Variants in PPP1R17 observed in about 807,000 individuals in gnomAD.
PPP1R17 encodes protein phosphatase 1 regulatory subunit 17.
PPP1R17 carries 12 observed loss-of-function variants against 15.9 expected under a neutral mutation model. The observed-to-expected ratio is 0.75, with a 90% CI of 0.48 to 1.22. The LOEUF (loss-of-function observed/expected upper bound fraction) is 1.22, where lower values mean the gene tolerates loss of function less well. Ranked by LOEUF, PPP1R17 falls within the 50% of genes most tolerant of loss-of-function variation. The pLI is 0.00. For missense variants in PPP1R17, 211 were observed against 187.3 expected (o/e 1.13, Z -0.74); for synonymous variants, 63 against 64.5 (o/e 0.98, Z 0.11).
intron 2 of PPP1R17, among the ~76,000 whole-genome samples, chr7:31,695,135 A>G (rs1319555990): frequency 7.7e-6 from 1 of 129,288 alleles, no homozygotes. Flanking sequence ...CGCGTTTAGC[A>G]GAGAGAACCT....
At chr7:31,694,914 A>G (rs1005230388) in intron 2 of PPP1R17, among the ~76,000 whole-genome samples, 14 of 152,306 alleles carry the variant, frequency 9.2e-5, no homozygotes, top group Non-Finnish European at 1.8e-4. Flanking sequence ...GGATGGGCAA[A>G]TAGGAGGGTT....
Position 31,708,032 on chromosome 7 carries a change from T to G in PPP1R17, c.*749T>G, listed in dbSNP as rs1009681352. ...TGTGTCACAAGTGAGTCATTATCAATGGTAGATAAAATATCAATGTTTGTG... is the reference window on the plus strand; with the variant it reads ...TGTGTCACAAGTGAGTCATTATCAAGGGTAGATAAAATATCAATGTTTGTG... On this transcript the variant is annotated 3_prime_UTR_variant, in exon 5 of 5. Transcript: ENST00000342032. 6.6e-6 allele frequency: 1 copy of G among 152,240 alleles called. No individual in the cohort carries two copies. The highest frequency in any genetic ancestry group is 6.5e-5 in the Admixed American group (1 of 15,290). The allele number at this position is 152,240 out of a possible 1,614,324, so 9.4% of individuals were successfully genotyped here.
intron 3 of PPP1R17, among the ~76,000 whole-genome samples, chr7:31,696,474 T>C (rs1007620810): frequency 1.3e-5 from 2 of 152,330 alleles, no homozygotes; most frequent in East Asian, 1.9e-4. Flanking sequence ...TTTAGAGAGT[T>C]ACTCAATAAT....
intron 2 of PPP1R17, among the ~76,000 whole-genome samples, chr7:31,694,833 C>T (rs1240827685): frequency 6.6e-6 from 1 of 152,288 alleles, no homozygotes; most frequent in South Asian, 2.1e-4. Context: ...GGCTTCAAAG[C>T]TCTGGTGGGG....
Position 31,707,452 on chromosome 7 carries a change from T to C in PPP1R17, c.*169T>C. On this transcript the variant is annotated 3_prime_UTR_variant, in exon 5 of 5. Transcript: ENST00000342032. ...CATCAAATTGCCAGTCACCTCTTTGTCTCTCTCTTCTTTCTGAGTATGGTT... is the reference window on the plus strand; with the variant it reads ...CATCAAATTGCCAGTCACCTCTTTGCCTCTCTCTTCTTTCTGAGTATGGTT... 6.8e-6 allele frequency: 4 copies of C among 588,500 alleles called. No homozygotes were observed. The highest frequency in any genetic ancestry group is 3.4e-5 in the Admixed American group (1 of 29,822). The allele number at this position is 588,500 out of a possible 1,614,324, so 36.5% of individuals were successfully genotyped here.
At chr7:31,692,950 C>A (rs542047631) in intron 2 of PPP1R17, among the ~76,000 whole-genome samples, 2 of 152,274 alleles carry the variant, frequency 1.3e-5, no homozygotes, top group African/African-American at 2.4e-5. Context: ...TTTTAAATAG[C>A]CTTTTTCTGC....
At chr7:31,695,351 C>T in intron 2 of PPP1R17, 118 bp from the exon 3 acceptor site, 1 of 870,850 alleles carries the variant, frequency 1.1e-6, no homozygotes, top group Non-Finnish European at 1.7e-6. Context: ...AAACACTTTT[C>T]CTTTTCAGGC....
chr7:31,698,774 A>T (rs568036911), intron 4 of PPP1R17, among the ~76,000 whole-genome samples: 1 of 152,214 alleles, frequency 6.6e-6, no homozygotes, highest in Non-Finnish European at 1.5e-5. Flanking sequence ...AGAATGGGAG[A>T]TAGAAATTGC....
chr7:31,687,909 G>A lies in PPP1R17; in HGVS notation c.-37+603G>A, dbSNP rs1037833008. Among the ~76,000 whole-genome samples, 46 of 152,226 alleles carry A rather than the reference G, an allele frequency of 3.0e-4. 1 individual carries two copies. Among genetic ancestry groups the A allele is most frequent in the Admixed American group, 3.9e-4 (6 of 15,298 alleles). Reference sequence around the variant, plus strand: ...TTTGGGGGATATTCTTCAGAATACCGTATGGTAAGCTAAGTGTCAACTCGC... The same window carrying A: ...TTTGGGGGATATTCTTCAGAATACCATATGGTAAGCTAAGTGTCAACTCGC... On this transcript the variant is annotated intron_variant, in intron 1 of 4. Coordinates refer to ENST00000342032, the MANE Select transcript of PPP1R17 (RefSeq NM_006658.5).
chr7:31,695,632 A>T lies in PPP1R17; in HGVS notation c.235+11A>T. The T allele has an allele frequency of 6.2e-7, 1 of 1,610,086 alleles. No homozygotes were observed. The highest frequency in any genetic ancestry group is 8.5e-7 in the Non-Finnish European group (1 of 1,178,770). ...CACCTTTCATACCAGGTAATGGACA[A>T]AGTCATCTGCACAGCTGTAAAGGAG... On this transcript the variant is annotated intron_variant, in intron 3 of 4. Coordinates refer to ENST00000342032, the MANE Select transcript of PPP1R17 (RefSeq NM_006658.5).
intron 4 of PPP1R17, among the ~76,000 whole-genome samples, chr7:31,697,669 C>T (rs889603862): frequency 3.3e-5 from 5 of 152,126 alleles, no homozygotes; most frequent in African/African-American, 4.8e-5. Flanking sequence ...GAATAAGACA[C>T]GTATATTCAT....
chr7:31,697,834 CTAATA>C (rs1414395762), intron 4 of PPP1R17, among the ~76,000 whole-genome samples: 3 of 152,076 alleles, frequency 2.0e-5, no homozygotes, highest in Non-Finnish European at 2.9e-5. Context: ...AATTAACTGA[CTAATA>C]TAATAGAGAG....
At chr7:31,694,905 G>A (rs1023702324) in intron 2 of PPP1R17, among the ~76,000 whole-genome samples, 1 of 152,172 alleles carries the variant, frequency 6.6e-6, no homozygotes, top group African/African-American at 2.4e-5. Context: ...CTTGAGTTAG[G>A]ATGGGCAAAT....
chr7:31,695,439 C>T (rs750962464), intron 2 of PPP1R17, 30 bp from the exon 3 acceptor site: 34 of 1,573,562 alleles, frequency 2.2e-5, no homozygotes, highest in Non-Finnish European at 2.8e-5. Flanking sequence ...ATGTTATATT[C>T]TTTATTTCTT....
At chr7:31,702,864 C>T (rs557291754) in intron 4 of PPP1R17, among the ~76,000 whole-genome samples, 51 of 152,224 alleles carry the variant, frequency 3.4e-4, no homozygotes, top group African/African-American at 1.2e-3. Context: ...ATTTTCTGTT[C>T]GTGCTTGTAT....
At chr7:31,696,681 C>T (rs1792597205) in intron 3 of PPP1R17, among the ~76,000 whole-genome samples, 1 of 152,156 alleles carries the variant, frequency 6.6e-6, no homozygotes, top group Non-Finnish European at 1.5e-5. Flanking sequence ...CATTTCTTTG[C>T]CTGACTTCCC....
At position 31,695,587 on chromosome 7, in the gene PPP1R17, T is replaced by G. The variant is rs1445534772; in HGVS notation, c.201T>G (p.Asp67Glu). 2 of 1,613,776 alleles carry G rather than the reference T, an allele frequency of 1.2e-6. No individual in the cohort carries two copies. Among genetic ancestry groups the G allele is most frequent in the African/African-American group, 2.7e-5 (2 of 74,876 alleles). Residue 67 changes from aspartate to glutamate, a missense_variant, in exon 3 of 5, where the codon GAT (aspartate) becomes GAG (glutamate). Coordinates refer to ENST00000342032, the MANE Select transcript of PPP1R17 (RefSeq NM_006658.5). ...ESDQKKPRRKDTPALHIPPFI... is the reference protein window; with the variant it reads ...ESDQKKPRRKETPALHIPPFI... ...ACCAAAAAAAACCAAGGAGGAAAGA[T>G]ACACCGGCGCTGCACATCCCACCTT...
At chr7:31,707,120 C>A in intron 4 of PPP1R17, 84 bp from the exon 5 acceptor site, 1 of 1,259,764 alleles carries the variant, frequency 7.9e-7, no homozygotes, top group Non-Finnish European at 1.1e-6. Flanking sequence ...GGTTGCCATG[C>A]TCCTTTGTAC....
chr7:31,704,861 G>A (rs967575866), intron 4 of PPP1R17, among the ~76,000 whole-genome samples: 4 of 152,090 alleles, frequency 2.6e-5, no homozygotes, highest in Non-Finnish European at 4.4e-5. Context: ...GAAAGCATGA[G>A]GGTCAGAAGG....
Sources: allele counts gnomAD v4.1 joint callset (sites outside exome capture counted in the v4.1 genomes callset), GRCh38; gene constraint gnomAD v4.1.1; transcripts MANE v1.5; gene names NCBI Gene and HGNC (gene_info 2026-07-23, HGNC 2026-07-21).